CSNK1G1: variants seen among roughly 807,000 people sequenced by gnomAD.
CSNK1G1 encodes casein kinase I isoform gamma-1.
A neutral mutation model predicts 59.6 loss-of-function variants in CSNK1G1; 22 were observed. That is an observed-to-expected ratio of 0.37 (90% CI 0.26 to 0.53). CSNK1G1 has a LOEUF of 0.53. CSNK1G1 is among the 20% of genes least tolerant of loss of function. The pLI, the probability that CSNK1G1 is intolerant of heterozygous loss-of-function variation, is 0.89. For synonymous variants in CSNK1G1, 179 were observed against 177.1 expected (o/e 1.01, Z -0.08); for missense variants, 384 against 519.5 (o/e 0.74, Z 2.54).
intron 4 of CSNK1G1, among the ~76,000 whole-genome samples, chr15:64,218,852 G>GTTT (rs11364699): frequency 5.3e-5 from 6 of 114,084 alleles, no homozygotes; most frequent in East Asian, 2.7e-4. Context: ...AATTTGAAGT[G>GTTT]TTTTTTTTTT....
At chr15:64,230,701 A>G (rs1020986244) in intron 4 of CSNK1G1, among the ~76,000 whole-genome samples, 4 of 152,214 alleles carry the variant, frequency 2.6e-5, no homozygotes, top group Admixed American at 2.0e-4. Context: ...AGCCGGGTGC[A>G]GTGGCTCACG....
chr15:64,173,225 C>T (rs148632910), intron 11 of CSNK1G1, among the ~76,000 whole-genome samples: 26 of 152,280 alleles, frequency 1.7e-4, no homozygotes, highest in Admixed American at 7.2e-4. Context: ...GCCAAGATTC[C>T]CTCTCTTTTT....
intron 4 of CSNK1G1, among the ~76,000 whole-genome samples, chr15:64,238,844 C>T (rs1215083689): frequency 2.0e-5 from 3 of 152,014 alleles, no homozygotes; most frequent in East Asian, 3.9e-4. Flanking sequence ...TACCTCAAGA[C>T]CCTGAGCCTA....
chr15:64,214,086 A>G lies in CSNK1G1; in HGVS notation c.483T>C (p.Ile161=). ...RMEYVHSKNL[I]YRDVKPENFL... is the part of the protein sequence containing the mutation. ...AGTTCTCTGGCTTGACATCTCGGTAAATGAGGTTCTTTGAGTGCACGTATT... is the reference window on the plus strand; with the variant it reads ...AGTTCTCTGGCTTGACATCTCGGTAGATGAGGTTCTTTGAGTGCACGTATT... The change falls in exon 6 of 12, where the codon ATT becomes ATC. Residue 161 remains isoleucine, a synonymous_variant. Transcript: ENST00000303052. The surrounding 1 kb of genome is among the most constrained non-coding windows in gnomAD (Gnocchi z 4.3). 6.2e-7 allele frequency: 1 copy of G among 1,614,130 alleles called. No homozygotes were observed. The highest frequency in any genetic ancestry group is 1.6e-4 in the Middle Eastern group (1 of 6,062).
intron 4 of CSNK1G1, among the ~76,000 whole-genome samples, chr15:64,233,115 T>C (rs2082569950): frequency 6.6e-6 from 1 of 152,152 alleles, no homozygotes; most frequent in East Asian, 1.9e-4. Context: ...GAAAACAAAA[T>C]CTAAGTAGCA....
intron 9 of CSNK1G1, 71 bp from the exon 10 acceptor site, chr15:64,203,260 GATTCTA>G: frequency 3.2e-6 from 3 of 940,264 alleles, no homozygotes; most frequent in Non-Finnish European, 5.2e-6. Context: ...AGGACAGAAT[GATTCTA>G]ATTCTAATAG....
intron 4 of CSNK1G1, among the ~76,000 whole-genome samples, chr15:64,236,712 C>T (rs977317711): frequency 2.0e-5 from 3 of 152,148 alleles, no homozygotes; most frequent in African/African-American, 7.2e-5. Flanking sequence ...AGTACAGTCT[C>T]TATGGAAGAC....
chr15:64,270,428 A>G (rs1183744070), intron 2 of CSNK1G1, among the ~76,000 whole-genome samples: 2 of 151,790 alleles, frequency 1.3e-5, no homozygotes. Flanking sequence ...TAACTTTTTG[A>G]TGTGGACATT....
chr15:64,217,303 A>C (rs2082324609), intron 4 of CSNK1G1, among the ~76,000 whole-genome samples: 1 of 152,214 alleles, frequency 6.6e-6, no homozygotes, highest in African/African-American at 2.4e-5. Context: ...GTCAACAGAC[A>C]CTTAGTGTTT....
chr15:64,344,295 TATTAA>T (rs1202072811), intron 1 of CSNK1G1, among the ~76,000 whole-genome samples: 4 of 152,220 alleles, frequency 2.6e-5, no homozygotes, highest in Admixed American at 6.5e-5. Context: ...ACCAGATGCA[TATTAA>T]ATTAATCTGT....
At chr15:64,293,927 A>G (rs1034317192) in intron 2 of CSNK1G1, among the ~76,000 whole-genome samples, 1 of 152,238 alleles carries the variant, frequency 6.6e-6, no homozygotes, top group Admixed American at 6.5e-5. Flanking sequence ...TGGGGACTGC[A>G]GGAGTACTGT....
intron 4 of CSNK1G1, among the ~76,000 whole-genome samples, chr15:64,234,871 T>C (rs1239938011): frequency 6.6e-6 from 1 of 151,598 alleles, no homozygotes; most frequent in Non-Finnish European, 1.5e-5. Flanking sequence ...GGTCAGCCAA[T>C]CTTCTTCTTA....
At chr15:64,280,162 G>GCA (rs1218451138) in intron 2 of CSNK1G1, among the ~76,000 whole-genome samples, 7 of 151,820 alleles carry the variant, frequency 4.6e-5, no homozygotes, top group South Asian at 2.1e-4. Context: ...ATATACGCGC[G>GCA]CACACACACA....
At chr15:64,255,674 T>C (rs890739603) in intron 3 of CSNK1G1, among the ~76,000 whole-genome samples, 12 of 152,220 alleles carry the variant, frequency 7.9e-5, no homozygotes, top group African/African-American at 1.9e-4. Context: ...CCTTTCCTCA[T>C]TGGTCCTAGT....
intron 4 of CSNK1G1, among the ~76,000 whole-genome samples, chr15:64,233,993 C>T (rs1013953061): frequency 6.6e-6 from 1 of 152,062 alleles, no homozygotes; most frequent in South Asian, 2.1e-4. Flanking sequence ...GATTTGAAAT[C>T]TCTCTCTCCC....
chr15:64,347,977 G>A (rs1400853918), intron 1 of CSNK1G1, among the ~76,000 whole-genome samples: 1 of 150,430 alleles, frequency 6.6e-6, no homozygotes, highest in African/African-American at 2.5e-5. Context: ...CTGCACTCCA[G>A]CCTGGCGACA....
At chr15:64,183,495 G>A (rs953401402) in intron 10 of CSNK1G1, among the ~76,000 whole-genome samples, 2 of 152,250 alleles carry the variant, frequency 1.3e-5, no homozygotes, top group Admixed American at 1.3e-4. Flanking sequence ...TGCAGGCAGT[G>A]GAACAAACAC....
intron 10 of CSNK1G1, among the ~76,000 whole-genome samples, chr15:64,196,173 C>T (rs543970439): frequency 1.3e-5 from 2 of 151,916 alleles, no homozygotes; most frequent in Non-Finnish European, 2.9e-5. Flanking sequence ...GCTGTGATCA[C>T]GCCACTACAC....
chr15:64,231,993 G>C (rs193265290), intron 4 of CSNK1G1, among the ~76,000 whole-genome samples: 311 of 152,250 alleles, frequency 2.0e-3, no homozygotes, highest in Non-Finnish European at 3.5e-3. Context: ...CATAGTGGTA[G>C]CTATAAACAC....
Sources: allele counts gnomAD v4.1 joint callset (sites outside exome capture counted in the v4.1 genomes callset), GRCh38; gene constraint gnomAD v4.1.1; non-coding constraint Gnocchi (gnomAD v3.1); transcripts MANE v1.5; gene names NCBI Gene and HGNC (gene_info 2026-07-23, HGNC 2026-07-21).